The following WWOX variants were observed in gnomAD, a reference collection of about 807,000 sequenced individuals.
The protein encoded by WWOX is WW domain containing oxidoreductase.
Under a neutral mutation model 46.2 loss-of-function variants are expected in WWOX, and 69 were observed. The ratio of observed to expected loss-of-function variants is 1.49; its 90% CI spans 1.23 to 1.82. WWOX has a LOEUF of 1.82. Ranked by LOEUF, WWOX falls within the 40% of genes most tolerant of loss-of-function variation. WWOX has a pLI of 0.00. For missense variants in WWOX, 919 were observed against 542.6 expected, an observed-to-expected ratio of 1.69 and a Z score of -6.89; for synonymous variants, 359 against 202.6, an observed-to-expected ratio of 1.77 and a Z score of -6.56.
Position 78,101,346 on chromosome 16 carries a change from C to CTTTTTTTTTTTTTTTTT in WWOX, c.107+1462_107+1478dup, listed in dbSNP as rs71137871. ...ACAGGCGTGAGCTACCGCTCCCGGC[C>CTTTTTTTTTTTTTTTTT]TTTTTTTTTTTTTTTTTAAAGACAG... is the stretch of plus-strand genomic sequence containing the variant. On this transcript the variant is annotated intron_variant, in intron 1 of 8. Coordinates refer to ENST00000566780, the MANE Select transcript of WWOX (RefSeq NM_016373.4). Among the ~76,000 whole-genome samples, 241 of 66,818 alleles carry CTTTTTTTTTTTTTTTTT rather than the reference C, an allele frequency of 3.6e-3. 42 individuals are homozygous for CTTTTTTTTTTTTTTTTT. The highest frequency in any genetic ancestry group is 8.0e-3 in the African/African-American group (177 of 22,050). 43.8% of individuals were successfully genotyped at this position (66,818 alleles called of 152,430 possible). A position where few individuals can be genotyped will look rare whatever the true frequency, so the allele number is the denominator to read the frequency against.
chr16:78,974,550 T>C (rs547552665), intron 8 of WWOX, among the ~76,000 whole-genome samples: 2 of 152,342 alleles, frequency 1.3e-5, no homozygotes, highest in Admixed American at 1.3e-4. Context: ...CATGTATTAT[T>C]TCCTTAAATA....
intron 8 of WWOX, among the ~76,000 whole-genome samples, chr16:78,599,504 C>G (rs1031216767): frequency 6.6e-6 from 1 of 152,202 alleles, no homozygotes; most frequent in African/African-American, 2.4e-5. Flanking sequence ...TAAGCTGGCC[C>G]CATGGATGGC....
intron 5 of WWOX, among the ~76,000 whole-genome samples, chr16:78,313,006 C>G (rs1359998880): frequency 6.6e-6 from 1 of 152,104 alleles, no homozygotes; most frequent in African/African-American, 2.4e-5. Context: ...TGAATGTTTT[C>G]ATTCACGGGG....
intron 8 of WWOX, chr16:78,891,812 T>A (rs2044596574): frequency 6.6e-6 from 1 of 152,186 alleles, no homozygotes. Context: ...GTGAGAAATT[T>A]CATATATGAA....
intron 8 of WWOX, among the ~76,000 whole-genome samples, chr16:78,959,801 G>A (rs1394147408): frequency 1.3e-5 from 2 of 152,160 alleles, no homozygotes; most frequent in African/African-American, 4.8e-5. Flanking sequence ...CTCTGTCGGT[G>A]TTCTGAACCC....
At chr16:78,362,460 A>G (rs1444059701) in intron 5 of WWOX, among the ~76,000 whole-genome samples, 2 of 152,170 alleles carry the variant, frequency 1.3e-5, no homozygotes, top group East Asian at 1.9e-4. Flanking sequence ...AAATACAAAA[A>G]TTAACAGGCG....
intron 8 of WWOX, among the ~76,000 whole-genome samples, chr16:78,833,130 C>T (rs557758997): frequency 6.6e-6 from 1 of 151,878 alleles, no homozygotes; most frequent in African/African-American, 2.4e-5. Flanking sequence ...CAGCCTCCAA[C>T]TCCTAGGCTC....
intron 4 of WWOX, among the ~76,000 whole-genome samples, chr16:78,131,457 C>G (rs1330540050): frequency 6.6e-6 from 1 of 152,218 alleles, no homozygotes; most frequent in Non-Finnish European, 1.5e-5. Context: ...TCAAGCAGTA[C>G]ACTTGCCTCA....
intron 8 of WWOX, among the ~76,000 whole-genome samples, chr16:78,922,753 C>G (rs1030009133): frequency 2.6e-5 from 4 of 152,150 alleles, no homozygotes; most frequent in Non-Finnish European, 4.4e-5. Context: ...GAGAAGGAAG[C>G]TGAGGCTCAC....
intron 5 of WWOX, among the ~76,000 whole-genome samples, chr16:78,186,421 A>T (rs1391833445): frequency 6.6e-6 from 1 of 152,184 alleles, no homozygotes; most frequent in Non-Finnish European, 1.5e-5. Context: ...TGATCAATTG[A>T]TATCCTTTGA....
chr16:78,292,628 A>G (rs186382220), intron 5 of WWOX, among the ~76,000 whole-genome samples: 1 of 150,994 alleles, frequency 6.6e-6, no homozygotes, highest in Non-Finnish European at 1.5e-5. Flanking sequence ...TTTTTTTTTT[A>G]AAAAAAAGGA....
intron 8 of WWOX, among the ~76,000 whole-genome samples, chr16:78,808,324 A>G (rs2051096682): frequency 6.6e-6 from 1 of 152,210 alleles, no homozygotes; most frequent in Non-Finnish European, 1.5e-5. Context: ...GGCCACTTCA[A>G]ACCTGTATAT....
chr16:78,433,632 A>C (rs1005006669), intron 8 of WWOX, among the ~76,000 whole-genome samples: 1 of 152,146 alleles, frequency 6.6e-6, no homozygotes, highest in African/African-American at 2.4e-5. Context: ...CTAGGATATT[A>C]ATAAAACAAA....
At chr16:78,522,874 C>G (rs2043379965) in intron 8 of WWOX, among the ~76,000 whole-genome samples, 1 of 152,166 alleles carries the variant, frequency 6.6e-6, no homozygotes, top group South Asian at 2.1e-4. Context: ...GAGTTTGAGA[C>G]CAGCCTGGCC....
At chr16:78,603,360 A>T (rs2045668848) in intron 8 of WWOX, among the ~76,000 whole-genome samples, 1 of 152,034 alleles carries the variant, frequency 6.6e-6, no homozygotes, top group Non-Finnish European at 1.5e-5. Flanking sequence ...TCAGGGATGA[A>T]CGCCCCCACT....
chr16:78,995,097 C>T (rs1232931921), intron 8 of WWOX, among the ~76,000 whole-genome samples: 2 of 151,760 alleles, frequency 1.3e-5, no homozygotes, highest in African/African-American at 4.8e-5. Context: ...TCACTGTGCC[C>T]TTAGATAATA....
intron 7 of WWOX, among the ~76,000 whole-genome samples, chr16:78,429,043 T>G (rs550433754): frequency 3.3e-5 from 5 of 152,316 alleles, no homozygotes; most frequent in African/African-American, 9.6e-5. Context: ...GGATTGGAAT[T>G]CCAAACCCAT....
At chr16:78,243,439 G>A (rs1261466370) in intron 5 of WWOX, among the ~76,000 whole-genome samples, 1 of 152,044 alleles carries the variant, frequency 6.6e-6, no homozygotes, top group African/African-American at 2.4e-5. Flanking sequence ...TGGGGGTTTG[G>A]TATACAGATT....
chr16:78,415,902 G>A (rs985923071), intron 6 of WWOX, among the ~76,000 whole-genome samples: 8 of 152,160 alleles, frequency 5.3e-5, no homozygotes, highest in African/African-American at 1.9e-4. Flanking sequence ...AGGGGTTGCT[G>A]GTTTGTAAAT....
Sources: gnomAD v4.1 joint callset for allele counts (sites outside exome capture counted in the v4.1 genomes callset) on GRCh38, gnomAD v4.1.1 for gene constraint, MANE v1.5 for transcripts, NCBI Gene and HGNC (gene_info 2026-07-23, HGNC 2026-07-21) for gene names.